The following PRIM2 variants were observed in gnomAD, a reference collection of about 807,000 sequenced individuals.
PRIM2 encodes DNA primase subunit 2, also known as DNA primase large subunit.
A neutral mutation model predicts 67.3 loss-of-function variants in PRIM2; 39 were observed. The observed-to-expected ratio is 0.58, with a 90% CI of 0.45 to 0.76. PRIM2 has a LOEUF of 0.76. PRIM2 is among the 30% of genes least tolerant of loss of function. The probability of loss-of-function intolerance (pLI) is 0.00; values close to 1 mark genes in which losing one functional copy is unlikely to be tolerated. For synonymous variants in PRIM2, 143 were observed against 198.7 expected (o/e 0.72, Z 2.36); for missense variants, 398 against 598.7 (o/e 0.66, Z 3.50).
intron 5 of PRIM2, among the ~76,000 whole-genome samples, chr6:57,358,997 C>T (rs1214137496): frequency 1.3e-5 from 2 of 152,228 alleles, no homozygotes; most frequent in Admixed American, 1.3e-4. Context: ...AGTTCTTTGT[C>T]ATTAAGTGTA....
intron 5 of PRIM2, among the ~76,000 whole-genome samples, chr6:57,365,025 C>G (rs1231081430): frequency 2.0e-5 from 3 of 152,018 alleles, no homozygotes; most frequent in Non-Finnish European, 4.4e-5. Context: ...AAATTGTTCC[C>G]CTCTCCCCTT....
intron 8 of PRIM2, among the ~76,000 whole-genome samples, chr6:57,516,683 T>C (rs1774495058): frequency 6.6e-6 from 1 of 152,186 alleles, no homozygotes; most frequent in Admixed American, 6.5e-5. Context: ...TTACTTTGTA[T>C]GAGAGCTGTT....
chr6:57,417,956 G>A lies in PRIM2; in HGVS notation c.693+35788G>A, dbSNP rs551108316. On this transcript the variant is annotated intron_variant, in intron 7 of 13. Transcript: ENST00000615550. The stretch of plus-strand genomic sequence containing the variant: ...TATATGTGCAGCCATCTAGATCCTC[G>A]CTAATCAATTAGAGCACAAAGATTA... Among the ~76,000 whole-genome samples, 7 of 152,168 alleles carry A rather than the reference G, an allele frequency of 4.6e-5. No homozygotes were observed. The South Asian group carries it at 8.3e-4, about 18-fold the overall frequency.
chr6:57,480,579 C>T (rs1212632069), intron 7 of PRIM2, among the ~76,000 whole-genome samples: 3 of 152,098 alleles, frequency 2.0e-5, no homozygotes, highest in Non-Finnish European at 4.4e-5. Flanking sequence ...CTCCAACTCC[C>T]CACCTCCTAT....
At chr6:57,321,202 G>A (rs1767643452) in intron 3 of PRIM2, among the ~76,000 whole-genome samples, 1 of 152,198 alleles carries the variant, frequency 6.6e-6, no homozygotes, top group Non-Finnish European at 1.5e-5. Flanking sequence ...TGATTGTAGG[G>A]GGAATGGAGA....
At chr6:57,322,244 T>C (rs111624079) in intron 3 of PRIM2, among the ~76,000 whole-genome samples, 73 of 152,202 alleles carry the variant, frequency 4.8e-4, no homozygotes, top group Non-Finnish European at 8.4e-4. Flanking sequence ...TAGAATAGAA[T>C]GGGGAAGAGG....
At chr6:57,240,946 G>A in the PRIM2 span, among the ~76,000 whole-genome samples, 3 of 151,632 alleles carry the variant, frequency 2.0e-5, no homozygotes, top group East Asian at 1.9e-4. Context: ...AAAATAAGGC[G>A]GGGCTCAGTG....
chr6:57,645,526 A>G (rs1173372193), intron 13 of PRIM2, among the ~76,000 whole-genome samples: 2 of 150,880 alleles, frequency 1.3e-5, no homozygotes, highest in Non-Finnish European at 2.9e-5. Flanking sequence ...GGTGAGAGAA[A>G]GGTGTCTAGT....
chr6:57,528,038 A>T (rs1774798013), intron 8 of PRIM2, among the ~76,000 whole-genome samples: 1 of 151,904 alleles, frequency 6.6e-6, no homozygotes, highest in Admixed American at 6.6e-5. Context: ...ATCATAAATC[A>T]CTGCAACCTC....
chr6:57,644,754 A>T (rs1472011797), intron 13 of PRIM2, among the ~76,000 whole-genome samples: 1 of 152,226 alleles, frequency 6.6e-6, no homozygotes, highest in African/African-American at 2.4e-5. Flanking sequence ...GTTTCCAAAA[A>T]CTTGATAAAT....
intron 10 of PRIM2, among the ~76,000 whole-genome samples, chr6:57,551,416 C>G (rs1383476176): frequency 6.6e-6 from 1 of 152,166 alleles, no homozygotes; most frequent in Non-Finnish European, 1.5e-5. Context: ...GAAGGAGACA[C>G]AAAAACTCAG....
intron 5 of PRIM2, among the ~76,000 whole-genome samples, chr6:57,353,139 CAAAAAA>C (rs57281233): frequency 3.4e-5 from 2 of 58,590 alleles, no homozygotes; most frequent in South Asian, 6.6e-4. Flanking sequence ...GGTGAAATCC[CAAAAAA>C]AAAAAAAAAA....
intron 8 of PRIM2, among the ~76,000 whole-genome samples, chr6:57,509,225 A>G (rs1437646367): frequency 6.6e-6 from 1 of 151,116 alleles, no homozygotes; most frequent in Non-Finnish European, 1.5e-5. Flanking sequence ...CCTTTGTGTA[A>G]TTGTTTTGTT....
rs1163992172 is a variant in PRIM2 at position 57,318,607 on chromosome 6, C to T, written c.154+8C>T. 2.0e-6 allele frequency: 3 copies of T among 1,533,762 alleles called. No individual in the cohort carries two copies. Among genetic ancestry groups the T allele is most frequent in the South Asian group, 1.2e-5 (1 of 83,756 alleles). ...CTATTGATAGAGTTAAATGTAAGTA[C>T]TATTTAAATTAGAATGTATATATTC... On this transcript the variant is annotated splice_region_variant and intron_variant, in intron 2 of 13. Transcript: ENST00000615550.
chr6:57,617,652 C>G (rs1776778538), intron 12 of PRIM2, among the ~76,000 whole-genome samples: 1 of 152,168 alleles, frequency 6.6e-6, no homozygotes, highest in African/African-American at 2.4e-5. Flanking sequence ...GGATACAAGA[C>G]TCTTATCAGA....
intron 7 of PRIM2, among the ~76,000 whole-genome samples, chr6:57,437,682 T>A: frequency 6.7e-6 from 1 of 150,132 alleles, no homozygotes; most frequent in African/African-American, 2.5e-5. Flanking sequence ...TTTTTTTTTT[T>A]TAAGACAGGG....
the PRIM2 span, among the ~76,000 whole-genome samples, chr6:57,236,971 A>G: frequency 6.6e-6 from 1 of 152,140 alleles, no homozygotes; most frequent in East Asian, 1.9e-4. Context: ...CTAGTTCTAG[A>G]TCCTTGAGGA....
At chr6:57,258,347 G>C in the PRIM2 span, among the ~76,000 whole-genome samples, 2 of 151,862 alleles carry the variant, frequency 1.3e-5, no homozygotes, top group Non-Finnish European at 2.9e-5. Context: ...TCTAGTTATG[G>C]CTCATCTGGG....
the PRIM2 span, among the ~76,000 whole-genome samples, chr6:57,288,802 C>T: frequency 8.4e-4 from 128 of 152,296 alleles, no homozygotes; most frequent in Middle Eastern, 3.4e-3. Flanking sequence ...CTGTAGGTTA[C>T]CAACGTCAAA....
Sources: allele counts gnomAD v4.1 joint callset (sites outside exome capture counted in the v4.1 genomes callset), GRCh38; gene constraint gnomAD v4.1.1; transcripts MANE v1.5; gene names NCBI Gene and HGNC (gene_info 2026-07-23, HGNC 2026-07-21).